The following ZNF341 variants were observed in gnomAD, a reference collection of about 807,000 sequenced individuals.
ZNF341 encodes zinc finger protein 341.
ZNF341 carries 52 observed loss-of-function variants against 87.7 expected under a neutral mutation model. The observed-to-expected ratio is 0.59, with a 90% CI of 0.47 to 0.75. The LOEUF is 0.75. Among genes scored for constraint, ZNF341 ranks in the 30% least tolerant of loss-of-function variants. The probability of loss-of-function intolerance (pLI) is 0.00; values close to 1 mark genes in which losing one functional copy is unlikely to be tolerated. For missense variants in ZNF341, 977 were observed against 1,145.9 expected, an observed-to-expected ratio of 0.85 and a Z score of 2.13; for synonymous variants, 459 against 472.7, an observed-to-expected ratio of 0.97 and a Z score of 0.38.
chr20:33,735,488 T>C (rs2018661761), intron 1 of ZNF341, among the ~76,000 whole-genome samples: 1 of 152,074 alleles, frequency 6.6e-6, no homozygotes, highest in Admixed American at 6.6e-5. Flanking sequence ...CCAGCCAATT[T>C]TTTAAATTTT....
At chr20:33,781,480 C>T in intron 11 of ZNF341, 93 bp downstream of exon 11, 1 of 1,165,282 alleles carries the variant, frequency 8.6e-7, no homozygotes, top group Non-Finnish European at 1.3e-6. Flanking sequence ...CTTCTCCTCT[C>T]TCACCATAGG....
chr20:33,744,898 G>A (rs564002319), intron 2 of ZNF341, among the ~76,000 whole-genome samples: 19 of 152,104 alleles, frequency 1.2e-4, no homozygotes, highest in Non-Finnish European at 2.5e-4. Flanking sequence ...GGCCACCTGT[G>A]TGGCTTCGAA....
chr20:33,759,209 C>T (rs905999517), intron 7 of ZNF341, among the ~76,000 whole-genome samples: 3 of 152,334 alleles, frequency 2.0e-5, no homozygotes, highest in East Asian at 3.9e-4. Flanking sequence ...GGGATCCCTT[C>T]TGGGCCTTGG....
At chr20:33,751,024 C>T (rs188300439) in intron 4 of ZNF341, among the ~76,000 whole-genome samples, 1 of 152,280 alleles carries the variant, frequency 6.6e-6, no homozygotes, top group Non-Finnish European at 1.5e-5. Context: ...ATCCTCCTCC[C>T]TCTGTCTCCC....
intron 4 of ZNF341, 129 bp from the exon 5 acceptor site, chr20:33,753,043 C>G (rs1024827716): frequency 1.1e-5 from 14 of 1,325,552 alleles, no homozygotes; most frequent in Non-Finnish European, 1.5e-5. Flanking sequence ...CCTCTCTTAG[C>G]CCCTCTCCTG....
intron 4 of ZNF341, chr20:33,752,098 C>T (rs149786497): frequency 4.0e-4 from 163 of 404,230 alleles, no homozygotes; most frequent in African/African-American, 3.1e-3. Flanking sequence ...CGAGCTAGTG[C>T]TGCAAGCAAG....
At chr20:33,739,626 C>T (rs192575772) in intron 1 of ZNF341, among the ~76,000 whole-genome samples, 9 of 152,244 alleles carry the variant, frequency 5.9e-5, no homozygotes, top group East Asian at 5.8e-4. Context: ...AAGGCAAGGA[C>T]GCCCGCGTGC....
At position 33,790,975 on chromosome 20, in the gene ZNF341, C is replaced by T. The variant is rs781139988; in HGVS notation, c.2036-13C>T. ...GTCTGGATGCTTCTCACTGACTTTCCCTTGCCCTCCAGGCATGAAGCTCCA... is the reference window on the plus strand; with the variant it reads ...GTCTGGATGCTTCTCACTGACTTTCTCTTGCCCTCCAGGCATGAAGCTCCA... On this transcript the variant is annotated splice_polypyrimidine_tract_variant and intron_variant, in intron 14 of 14. Coordinates refer to ENST00000375200, the MANE Select transcript of ZNF341 (RefSeq NM_001282933.2). 41 of 1,602,836 alleles carry T rather than the reference C, an allele frequency of 2.6e-5. No homozygotes were observed. The highest frequency in any genetic ancestry group is 3.2e-5 in the Non-Finnish European group (37 of 1,173,822).
At chr20:33,760,005 A>G (rs1398901719) in intron 7 of ZNF341, among the ~76,000 whole-genome samples, 1 of 152,228 alleles carries the variant, frequency 6.6e-6, no homozygotes, top group East Asian at 1.9e-4. Context: ...AGCTGTGACA[A>G]TCAAAAATGC....
At chr20:33,782,261 C>G (rs1601287455) in intron 11 of ZNF341, among the ~76,000 whole-genome samples, 1 of 152,336 alleles carries the variant, frequency 6.6e-6, no homozygotes, top group East Asian at 1.9e-4. Context: ...AATTGATTGA[C>G]ATAACAAAAG....
chr20:33,760,699 A>C (rs2019272724), intron 7 of ZNF341, among the ~76,000 whole-genome samples: 1 of 151,732 alleles, frequency 6.6e-6, no homozygotes, highest in Non-Finnish European at 1.5e-5. Flanking sequence ...TCGCTCCACC[A>C]CACCTACCTA....
At chr20:33,746,189 A>G (rs2018916396) in intron 3 of ZNF341, among the ~76,000 whole-genome samples, 1 of 147,688 alleles carries the variant, frequency 6.8e-6, no homozygotes. Flanking sequence ...TCGGCCTCCC[A>G]AAGTGCTGGG....
chr20:33,787,151 T>A (rs1242986989), intron 12 of ZNF341: 2 of 152,200 alleles, frequency 1.3e-5, no homozygotes, highest in Non-Finnish European at 2.9e-5. Flanking sequence ...CCTCCCCATC[T>A]TTCTTCCTGC....
chr20:33,781,284 C>T lies in ZNF341; in HGVS notation c.1623-7C>T. The T allele has an allele frequency of 6.2e-7, 1 of 1,612,542 alleles. No homozygotes were observed. The highest frequency in any genetic ancestry group is 8.5e-7 in the Non-Finnish European group (1 of 1,178,644). ...CCTCCCTCATCTCTCCTGCTCCTTC[C>T]ACTTAGGTGTGTCAAATGTGTCAAC... On this transcript the variant is annotated splice_polypyrimidine_tract_variant and splice_region_variant and intron_variant, in intron 10 of 14. Coordinates refer to ENST00000375200, the MANE Select transcript of ZNF341 (RefSeq NM_001282933.2).
chr20:33,746,691 G>A lies in ZNF341; in HGVS notation c.339+1392G>A, dbSNP rs58291603. Among the ~76,000 whole-genome samples the A allele has an allele frequency of 6.3e-3, 959 of 152,284 alleles. 14 individuals carry two copies. Among genetic ancestry groups the A allele is most frequent in the African/African-American group, 0.022 (900 of 41,554 alleles). Reference sequence around the variant, plus strand: ...AGGAGACCCGTTGAGGGACTGTAGTGCAAATCCAGGCAGTGGATGCGGGTA... The same window carrying A: ...AGGAGACCCGTTGAGGGACTGTAGTACAAATCCAGGCAGTGGATGCGGGTA... On this transcript the variant is annotated intron_variant, in intron 3 of 14. Coordinates refer to ENST00000375200, the MANE Select transcript of ZNF341 (RefSeq NM_001282933.2).
chr20:33,733,218 C>CTT (rs1163203751), intron 1 of ZNF341, among the ~76,000 whole-genome samples: 7 of 130,774 alleles, frequency 5.4e-5, no homozygotes, highest in South Asian at 2.4e-4. Context: ...GGCTAATTTC[C>CTT]TTTTTTTTTT....
intron 1 of ZNF341, among the ~76,000 whole-genome samples, chr20:33,737,395 C>T (rs2018712896): frequency 6.6e-6 from 1 of 152,334 alleles, no homozygotes; most frequent in African/African-American, 2.4e-5. Flanking sequence ...GATCTCACCT[C>T]ACTGCAACCT....
intron 5 of ZNF341, among the ~76,000 whole-genome samples, chr20:33,754,829 A>C (rs1347878579): frequency 6.6e-6 from 1 of 152,210 alleles, no homozygotes. Flanking sequence ...GCGCTCCTCT[A>C]AAATGGGAAC....
chr20:33,740,850 C>G, intron 1 of ZNF341, 52 bp from the exon 2 acceptor site: 1 of 1,551,820 alleles, frequency 6.4e-7, no homozygotes, highest in Non-Finnish European at 8.9e-7. Context: ...AGGGTGATGT[C>G]AGAGCATGAT....
Sources: gnomAD v4.1 joint callset for allele counts (sites outside exome capture counted in the v4.1 genomes callset) on GRCh38, gnomAD v4.1.1 for gene constraint, MANE v1.5 for transcripts, NCBI Gene and HGNC (gene_info 2026-07-23, HGNC 2026-07-21) for gene names.